The following PALLD variants were observed in gnomAD, a reference collection of about 807,000 sequenced individuals.
PALLD encodes palladin, cytoskeletal associated protein, also known as palladin.
In PALLD, 61 loss-of-function variants were observed where a neutral mutation model predicts 123.5. The ratio of observed to expected loss-of-function variants is 0.49; its 90% CI spans 0.40 to 0.61. The LOEUF is 0.61. Among genes scored for constraint, PALLD ranks in the 20% least tolerant of loss-of-function variants. The pLI is 0.00. For missense variants in PALLD, 1,273 were observed against 1,377.0 expected (o/e 0.92, Z 1.20); for synonymous variants, 465 against 496.4 (o/e 0.94, Z 0.84).
At chr4:168,756,353 T>C (rs779576783) in intron 10 of PALLD, 2 of 221,798 alleles carry the variant, frequency 9.0e-6, no homozygotes, top group Non-Finnish European at 1.9e-5. Context: ...TCTATGTCTC[T>C]GAAAAAGGGA....
chr4:168,539,612 T>TAAAGAAAG (rs1279654347), intron 2 of PALLD, among the ~76,000 whole-genome samples: 1 of 122,036 alleles, frequency 8.2e-6, no homozygotes. Flanking sequence ...AATAAATAAA[T>TAAAGAAAG]AAAGATGCTT....
chr4:168,878,332 G>A lies in PALLD; in HGVS notation c.1965-12590G>A. 1 of 1,521,928 alleles carries A rather than the reference G, an allele frequency of 6.6e-7. No individual in the cohort carries two copies. The highest frequency in any genetic ancestry group is 8.8e-7 in the Non-Finnish European group (1 of 1,141,352). The allele number at this position is 1,521,928 out of a possible 1,614,324, so 94.3% of individuals were successfully genotyped here. On this transcript the variant is annotated intron_variant, in intron 10 of 21. Transcript: ENST00000505667. ...CCGCGGCCTTCCTCAGCGCTCTGCT[G>A]CCCTCGCAGCCGCCGCCGGCGGCCG...
chr4:168,598,469 G>A (rs1033138517), intron 2 of PALLD: 3 of 589,428 alleles, frequency 5.1e-6, no homozygotes, highest in East Asian at 4.2e-5. Context: ...AACTGCAAAG[G>A]TGTTAGCAGA....
At chr4:168,666,763 T>C (rs1779699810) in intron 2 of PALLD, among the ~76,000 whole-genome samples, 1 of 152,150 alleles carries the variant, frequency 6.6e-6, no homozygotes. Flanking sequence ...AGTCTGCTGG[T>C]GATGGAGAGA....
intron 10 of PALLD, among the ~76,000 whole-genome samples, chr4:168,809,947 A>C (rs979967143): frequency 6.6e-6 from 1 of 152,080 alleles, no homozygotes; most frequent in African/African-American, 2.4e-5. Flanking sequence ...GGGAAGTGTT[A>C]ATAGAAGGAG....
intron 2 of PALLD, among the ~76,000 whole-genome samples, chr4:168,542,279 G>T (rs1288182600): frequency 6.6e-6 from 1 of 152,006 alleles, no homozygotes; most frequent in Admixed American, 6.5e-5. Context: ...GGCTAGACAT[G>T]GTGGGTTGTG....
chr4:168,803,692 A>AG (rs1561541117), intron 10 of PALLD, among the ~76,000 whole-genome samples: 3 of 151,520 alleles, frequency 2.0e-5, no homozygotes, highest in East Asian at 1.9e-4. Flanking sequence ...CTCAAAAAAA[A>AG]AAAAAAGAAA....
chr4:168,545,500 GC>G (rs1198338124), intron 2 of PALLD, among the ~76,000 whole-genome samples: 2 of 151,554 alleles, frequency 1.3e-5, no homozygotes, highest in African/African-American at 2.4e-5. Context: ...CTGCACTCCA[GC>G]CTGGGCAACA....
intron 1 of PALLD, among the ~76,000 whole-genome samples, chr4:168,509,762 T>C (rs538503258): frequency 7.2e-5 from 11 of 152,322 alleles, no homozygotes; most frequent in South Asian, 6.2e-4. Flanking sequence ...TAAGAAGACA[T>C]GTAAGACAAA....
At chr4:168,708,695 CTACATGCAAAA>C (rs1368794853) in intron 8 of PALLD, among the ~76,000 whole-genome samples, 1 of 152,096 alleles carries the variant, frequency 6.6e-6, no homozygotes, top group African/African-American at 2.4e-5. Context: ...AGCTTAACTC[CTACATGCAAAA>C]TACAGAGCTG....
intron 2 of PALLD, chr4:168,647,780 C>CAAAAA (rs34790739): frequency 4.0e-4 from 32 of 79,118 alleles, no homozygotes; most frequent in Admixed American, 6.3e-4. Context: ...GACTCTGTCT[C>CAAAAA]AAAAAAAAAA....
intron 11 of PALLD, among the ~76,000 whole-genome samples, chr4:168,893,303 T>G (rs368413097): frequency 7.2e-5 from 11 of 152,236 alleles, no homozygotes; most frequent in African/African-American, 2.4e-4. Flanking sequence ...AATAACATAG[T>G]GGACTCAGAT....
intron 2 of PALLD, among the ~76,000 whole-genome samples, chr4:168,625,502 G>GATATATATATAT (rs756984622): frequency 6.1e-5 from 7 of 114,422 alleles, no homozygotes; most frequent in African/African-American, 2.3e-4. Flanking sequence ...ATATCCAGGA[G>GATATATATATAT]ATATATATAT....
Position 168,592,730 on chromosome 4 carries a change from T to TA in PALLD, c.909-75448dup, listed in dbSNP as rs56404479. ...CTATAGATGTAGTCATTTGAAATAT[T>TA]AAAAAAAAAAAAGCTCATCTTCATC... On this transcript the variant is annotated intron_variant, in intron 2 of 21. Transcript: ENST00000505667. Among the ~76,000 whole-genome samples the TA allele has an allele frequency of 4.8e-3, 708 of 146,892 alleles. 1 individual carries two copies. Among genetic ancestry groups the TA allele is most frequent in the African/African-American group, 0.014 (542 of 39,974 alleles).
chr4:168,690,459 G>A (rs1782514016), intron 6 of PALLD, 144 bp from the exon 7 acceptor site: 3 of 990,434 alleles, frequency 3.0e-6, no homozygotes, highest in Non-Finnish European at 4.9e-6. Flanking sequence ...CTGAGTCAGT[G>A]CTAATTATTT....
chr4:168,814,225 A>G (rs889735949), intron 10 of PALLD, among the ~76,000 whole-genome samples: 3 of 152,224 alleles, frequency 2.0e-5, no homozygotes, highest in Admixed American at 6.5e-5. Context: ...TGTGAAGGCT[A>G]CACACCAAAA....
intron 10 of PALLD, among the ~76,000 whole-genome samples, chr4:168,808,950 G>A (rs922040253): frequency 9.9e-5 from 15 of 152,124 alleles, no homozygotes; most frequent in Non-Finnish European, 5.9e-5. Context: ...AGCAGGCCAG[G>A]GATTTTAAGC....
intron 2 of PALLD, among the ~76,000 whole-genome samples, chr4:168,627,406 A>G (rs557319464): frequency 6.6e-6 from 1 of 152,278 alleles, no homozygotes; most frequent in South Asian, 2.1e-4. Context: ...GATACTCGGG[A>G]GGCTGATGCA....
chr4:168,746,896 T>C (rs1214056364), intron 10 of PALLD, among the ~76,000 whole-genome samples: 1 of 152,128 alleles, frequency 6.6e-6, no homozygotes, highest in Non-Finnish European at 1.5e-5. Context: ...TAAGAAAAGG[T>C]ACTTGACATT....
Sources: gnomAD v4.1 joint callset for allele counts (sites outside exome capture counted in the v4.1 genomes callset) on GRCh38, gnomAD v4.1.1 for gene constraint, MANE v1.5 for transcripts, NCBI Gene and HGNC (gene_info 2026-07-23, HGNC 2026-07-21) for gene names.